LAMA2: variants seen among roughly 807,000 people sequenced by gnomAD.
The protein encoded by LAMA2 is laminin subunit alpha-2.
In LAMA2, 269 loss-of-function variants were observed where a neutral mutation model predicts 364.8. The observed-to-expected ratio is 0.74, with a 90% CI of 0.67 to 0.82. The LOEUF is 0.82. Among genes scored for constraint, LAMA2 ranks in the 40% least tolerant of loss-of-function variants. LAMA2 has a pLI of 0.00. For synonymous variants in LAMA2, 1,379 were observed against 1,370.6 expected (o/e 1.01, Z -0.14); for missense variants, 3,807 against 3,873.2 (o/e 0.98, Z 0.45).
At chr6:129,268,858 C>T (rs1787717010) in intron 16 of LAMA2, among the ~76,000 whole-genome samples, 1 of 151,932 alleles carries the variant, frequency 6.6e-6, no homozygotes, top group Non-Finnish European at 1.5e-5. Context: ...TTTCAAGTGC[C>T]CTTTCTCCAA....
Position 129,503,103 on chromosome 6 carries a change from G to C in LAMA2, c.8370G>C (p.Glu2790Asp). 1 of 1,614,110 alleles carries C rather than the reference G, an allele frequency of 6.2e-7. No individual in the cohort carries two copies. The highest frequency in any genetic ancestry group is 8.5e-7 in the Non-Finnish European group (1 of 1,179,958). The change falls in exon 60 of 65, where the codon GAG becomes GAC. Residue 2790 changes from glutamate to aspartate, a missense_variant. Physicochemically the swap from Glu to Asp is conservative, Grantham distance 45 (BLOSUM62 2). Around this residue, in one of 3 missense-constraint regions of LAMA2, gnomAD observed 3,333 missense variants for 3,345.7 expected, o/e 1.00. Transcript: ENST00000421865. The stretch of plus-strand genomic sequence containing the variant: ...TTTTGTTTCACAGTCTCACAATTGA[G>C]TTGGAAGTAAGAACCGAAGCTGAAT... Reference protein sequence around the residue: ...DTKVKNRLTIELEVRTEAESG... With the variant: ...DTKVKNRLTIDLEVRTEAESG...
intron 29 of LAMA2, among the ~76,000 whole-genome samples, chr6:129,329,038 A>G (rs1337946297): frequency 6.6e-6 from 1 of 152,116 alleles, no homozygotes; most frequent in Non-Finnish European, 1.5e-5. Context: ...CTCTACCACC[A>G]TCTGCATTAG....
intron 4 of LAMA2, among the ~76,000 whole-genome samples, chr6:129,103,937 G>C (rs1775672277): frequency 6.6e-6 from 1 of 152,016 alleles, no homozygotes; most frequent in Non-Finnish European, 1.5e-5. Flanking sequence ...TTTTCTTCCA[G>C]ACCTTCAAAA....
chr6:129,305,357 C>T (rs1157033210), intron 22 of LAMA2, among the ~76,000 whole-genome samples: 1 of 150,252 alleles, frequency 6.7e-6, no homozygotes, highest in Non-Finnish European at 1.5e-5. Flanking sequence ...CAGGGTCTTA[C>T]TCCATTGCCC....
chr6:129,107,426 A>G (rs1583054756), intron 4 of LAMA2, among the ~76,000 whole-genome samples: 1 of 152,250 alleles, frequency 6.6e-6, no homozygotes, highest in South Asian at 2.1e-4. Flanking sequence ...TGAGAGGGAC[A>G]CAGCCATACC....
intron 1 of LAMA2, among the ~76,000 whole-genome samples, chr6:128,925,816 C>A (rs962006710): frequency 6.6e-6 from 1 of 151,414 alleles, no homozygotes; most frequent in Non-Finnish European, 1.5e-5. Flanking sequence ...TTCTTTGATT[C>A]ATTTTTTTTT....
chr6:129,476,732 T>C (rs957771423), intron 53 of LAMA2, among the ~76,000 whole-genome samples: 6 of 152,204 alleles, frequency 3.9e-5, no homozygotes, highest in African/African-American at 1.2e-4. Flanking sequence ...AAATTCACCT[T>C]CTCTGTGCAT....
intron 10 of LAMA2, among the ~76,000 whole-genome samples, chr6:129,180,599 T>C (rs993794384): frequency 3.9e-5 from 6 of 152,158 alleles, no homozygotes; most frequent in African/African-American, 1.4e-4. Context: ...TGAGCCCATT[T>C]CAGTTGAGGC....
chr6:129,121,743 GA>G lies in LAMA2; in HGVS notation c.640-22153del, dbSNP rs1301068010. ...ATATTTATAGCCTCGAGAAACTAGG[GA>G]AAAAGCTGGATCTCAAAGACATTAT... On this transcript the variant is annotated intron_variant, in intron 4 of 64. Transcript: ENST00000421865. Among the ~76,000 whole-genome samples the G allele has an allele frequency of 2.6e-5, 4 of 152,028 alleles. No individual in the cohort carries two copies. In the East Asian group the frequency reaches 5.8e-4, roughly 22 times the overall value.
chr6:129,404,364 T>G (rs1208158380), intron 40 of LAMA2, among the ~76,000 whole-genome samples: 2 of 152,220 alleles, frequency 1.3e-5, no homozygotes. Context: ...AAATTCACTT[T>G]TTAATAAAAA....
chr6:128,981,608 G>A lies in LAMA2; in HGVS notation c.113-68310G>A, dbSNP rs1282788771. Among the ~76,000 whole-genome samples the A allele has an allele frequency of 2.6e-5, 4 of 151,096 alleles. No homozygotes were observed. The East Asian group carries it at 7.8e-4, about 29-fold the overall frequency. ...AAAAAAAAAAAAAAAAAAAATTGCT[G>A]GGCTTGGTGGTTGAGCCTGTCGTCC... On this transcript the variant is annotated intron_variant, in intron 1 of 64. Transcript: ENST00000421865.
intron 3 of LAMA2, among the ~76,000 whole-genome samples, chr6:129,066,572 A>T (rs943620434): frequency 2.6e-5 from 4 of 151,172 alleles, no homozygotes; most frequent in African/African-American, 9.7e-5. Context: ...TTTCACAGAA[A>T]TAAAAATAAA....
At chr6:129,051,690 A>G (rs1028534933) in intron 2 of LAMA2, among the ~76,000 whole-genome samples, 8 of 118,432 alleles carry the variant, frequency 6.8e-5, no homozygotes, top group Non-Finnish European at 1.1e-4. Flanking sequence ...ATCTATATCT[A>G]TAGATCGATC....
chr6:129,245,562 T>C (rs1311753078), intron 12 of LAMA2, among the ~76,000 whole-genome samples: 5 of 152,104 alleles, frequency 3.3e-5, no homozygotes, highest in Non-Finnish European at 7.4e-5. Context: ...ATGTGGAAAA[T>C]TACAGTTATT....
At chr6:129,135,370 T>C (rs1301920848) in intron 4 of LAMA2, among the ~76,000 whole-genome samples, 1 of 152,200 alleles carries the variant, frequency 6.6e-6, no homozygotes, top group African/African-American at 2.4e-5. Context: ...CAACAAATGC[T>C]TATTGAACCC....
intron 14 of LAMA2, among the ~76,000 whole-genome samples, chr6:129,253,543 A>T (rs1786413796): frequency 6.6e-6 from 1 of 152,246 alleles, no homozygotes. Flanking sequence ...AGCTGGGTTA[A>T]AATGCCATGG....
intron 12 of LAMA2, among the ~76,000 whole-genome samples, chr6:129,237,622 G>A (rs1785079311): frequency 6.6e-6 from 1 of 152,070 alleles, no homozygotes; most frequent in African/African-American, 2.4e-5. Context: ...GCGTGTTTCA[G>A]TGAATAGCCA....
rs61533321 is a variant in LAMA2, at chr6:129,349,889, ATT to A, written c.4523+507_4523+508del. On this transcript the variant is annotated intron_variant, in intron 31 of 64. Transcript: ENST00000421865. Reference sequence around the variant, plus strand: ...TTAATTAGTACCCAGACAATAAAGTATTTGTTATTCAGTTTTCCTTTTCAATA... The same window carrying A: ...TTAATTAGTACCCAGACAATAAAGTATGTTATTCAGTTTTCCTTTTCAATA... Among the ~76,000 whole-genome samples, 1,302 of 152,206 alleles carry A rather than the reference ATT, an allele frequency of 8.6e-3. 12 individuals carry two copies. The highest frequency in any genetic ancestry group is 0.03 in the African/African-American group (1,226 of 41,550).
intron 1 of LAMA2, among the ~76,000 whole-genome samples, chr6:129,027,270 A>G (rs996649621): frequency 1.3e-5 from 2 of 152,062 alleles, no homozygotes; most frequent in Admixed American, 6.6e-5. Context: ...CAAGCACTTC[A>G]TCATTATTTG....
Sources: allele counts gnomAD v4.1 joint callset (sites outside exome capture counted in the v4.1 genomes callset), GRCh38; gene constraint gnomAD v4.1.1; regional missense constraint gnomAD v4.1.1; transcripts MANE v1.5; gene names NCBI Gene and HGNC (gene_info 2026-07-23, HGNC 2026-07-21).